CBX5: variants seen among roughly 807,000 people sequenced by gnomAD.
The protein encoded by CBX5 is chromobox protein homolog 5.
In CBX5, 7 loss-of-function variants were observed where a neutral mutation model predicts 20.7. The ratio of observed to expected loss-of-function variants is 0.34; its 90% CI spans 0.19 to 0.63. CBX5 has a LOEUF of 0.63. CBX5 is among the 30% of genes least tolerant of loss of function. The pLI is 0.75. For missense variants in CBX5, 110 were observed against 224.1 expected (o/e 0.49, Z 3.25); for synonymous variants, 78 against 77.0 (o/e 1.01, Z -0.07).
At position 54,278,750 on chromosome 12, in the gene CBX5, G is replaced by C. The variant is rs964230972; in HGVS notation, c.-43+1258C>G. 3 of 152,330 alleles carry C rather than the reference G, an allele frequency of 2.0e-5. No individual in the cohort carries two copies. The South Asian group carries it at 6.2e-4, about 32-fold the overall frequency. 9.4% of individuals were successfully genotyped at this position (152,330 alleles called of 1,614,324 possible). On this transcript the variant is annotated intron_variant, in intron 1 of 4. Transcript: ENST00000209875. Reference sequence around the variant, plus strand: ...AATTAAAAGGCAAGGAATAATCCAGGTGATGGATGAATCTTCTGTCCCCAG... The same window carrying C: ...AATTAAAAGGCAAGGAATAATCCAGCTGATGGATGAATCTTCTGTCCCCAG...
chr12:54,260,049 A>T (rs1003475612), intron 1 of CBX5, among the ~76,000 whole-genome samples: 20 of 152,002 alleles, frequency 1.3e-4, no homozygotes, highest in Non-Finnish European at 4.4e-5. Flanking sequence ...GGGGAAAAAT[A>T]ACAGGAAACA....
intron 2 of CBX5, among the ~76,000 whole-genome samples, chr12:54,254,584 G>A (rs1177516867): frequency 4.6e-5 from 7 of 152,092 alleles, no homozygotes; most frequent in Non-Finnish European, 8.8e-5. Context: ...CGGGCACGGT[G>A]GCTCAAGTCT....
In CBX5 at chr12:54,263,796, GA is replaced by G. The variant is rs1177290699; in HGVS notation, c.-42-6105del. 4.5e-3 allele frequency among the ~76,000 whole-genome samples: 582 copies of G among 130,350 alleles called. 6 individuals are homozygous for G. The highest frequency in any genetic ancestry group is 0.016 in the African/African-American group (559 of 35,136). The allele number at this position is 130,350 out of a possible 152,430, so 85.5% of individuals were successfully genotyped here. On this transcript the variant is annotated intron_variant, in intron 1 of 4. Transcript: ENST00000209875. The stretch of plus-strand genomic sequence containing the variant: ...AAAAAAAAAAAAAGAAAAGAAAAAA[GA>G]AAAAAAAAGGCCAGGCGCAGTGGCT...
intron 1 of CBX5, chr12:54,278,929 T>G (rs892366631): frequency 2.6e-5 from 4 of 152,220 alleles, no homozygotes; most frequent in African/African-American, 9.6e-5. Flanking sequence ...ATAAAAGCAC[T>G]GGGCACATGG....
intron 2 of CBX5, among the ~76,000 whole-genome samples, chr12:54,253,937 G>A (rs1943835275): frequency 6.6e-6 from 1 of 151,764 alleles, no homozygotes; most frequent in Non-Finnish European, 1.5e-5. Context: ...TTTTAGTAGA[G>A]ACGGGGTTTC....
intron 1 of CBX5, among the ~76,000 whole-genome samples, chr12:54,268,927 A>C (rs185632416): frequency 6.6e-6 from 1 of 152,338 alleles, no homozygotes; most frequent in African/African-American, 2.4e-5. Context: ...AAAAATATAA[A>C]GCAAATAGAA....
intron 1 of CBX5, among the ~76,000 whole-genome samples, chr12:54,265,090 C>G (rs916264159): frequency 2.0e-5 from 3 of 152,160 alleles, no homozygotes; most frequent in Non-Finnish European, 4.4e-5. Flanking sequence ...TTAGATATGC[C>G]ATTGATGAGT....
chr12:54,272,650 A>G (rs1944021345), intron 1 of CBX5: 1 of 152,218 alleles, frequency 6.6e-6, no homozygotes, highest in Admixed American at 6.5e-5. Flanking sequence ...TAATACCCCA[A>G]GGAGTTGACA....
At chr12:54,256,069 A>G (rs1363552478) in intron 2 of CBX5, among the ~76,000 whole-genome samples, 1 of 152,178 alleles carries the variant, frequency 6.6e-6, no homozygotes, top group Non-Finnish European at 1.5e-5. Context: ...TACTTTGTCT[A>G]CCCCAAACCT....
At chr12:54,260,283 G>C (rs973273387) in intron 1 of CBX5, among the ~76,000 whole-genome samples, 3 of 151,774 alleles carry the variant, frequency 2.0e-5, no homozygotes, top group Non-Finnish European at 2.9e-5. Context: ...TTGAGGTCAC[G>C]TGCTCAAGAC....
chr12:54,279,219 T>C (rs1364759021), intron 1 of CBX5, among the ~76,000 whole-genome samples: 1 of 152,162 alleles, frequency 6.6e-6, no homozygotes, highest in African/African-American at 2.4e-5. Flanking sequence ...TGACAGTACA[T>C]AGAGATTTCT....
At chr12:54,263,131 C>A (rs1237048193) in intron 1 of CBX5, among the ~76,000 whole-genome samples, 1 of 152,092 alleles carries the variant, frequency 6.6e-6, no homozygotes, top group Non-Finnish European at 1.5e-5. Flanking sequence ...TAGGCCGAGG[C>A]GGGCAGATCT....
At chr12:54,261,189 CAA>C (rs1187762152) in intron 1 of CBX5, among the ~76,000 whole-genome samples, 30 of 64,624 alleles carry the variant, frequency 4.6e-4, no homozygotes, top group Admixed American at 6.8e-4. Context: ...GAAACCGTCT[CAA>C]AAAAAAAAAA....
rs1271464165 is a variant in CBX5 at position 54,252,172 on chromosome 12, C to G, written c.193G>C (p.Glu65Gln). Residue 65 changes from glutamate to glutamine, a missense_variant, in exon 3 of 5, where the codon GAA (glutamate) becomes CAA (glutamine). Around this residue, in one of 3 missense-constraint regions of CBX5, gnomAD observed 58 missense variants for 120.6 expected, o/e 0.48. Coordinates refer to ENST00000209875, the MANE Select transcript of CBX5 (RefSeq NM_012117.3). Reference sequence around the variant, plus strand: ...ATCTTCTTATACTTTTTCATAAATTCAGAAATTAGCTCAGGGCAATCCAAG... The same window carrying G: ...ATCTTCTTATACTTTTTCATAAATTGAGAAATTAGCTCAGGGCAATCCAAG... Reference protein sequence around the residue: ...KNLDCPELISEFMKKYKKMKE... With the variant: ...KNLDCPELISQFMKKYKKMKE... The G allele has an allele frequency of 6.2e-7, 1 of 1,604,006 alleles. No individual in the cohort carries two copies. The highest frequency in any genetic ancestry group is 8.5e-7 in the Non-Finnish European group (1 of 1,175,990).
chr12:54,266,259 A>G (rs981297047), intron 1 of CBX5, among the ~76,000 whole-genome samples: 1 of 151,646 alleles, frequency 6.6e-6, no homozygotes, highest in African/African-American at 2.4e-5. Flanking sequence ...TTAGCCAGGC[A>G]TGGTGGTGGG....
chr12:54,249,786 A>C (rs1943774761), intron 3 of CBX5, among the ~76,000 whole-genome samples: 1 of 152,228 alleles, frequency 6.6e-6, no homozygotes, highest in Non-Finnish European at 1.5e-5. Flanking sequence ...CAGAAGGATT[A>C]AAGCAACTAA....
At chr12:54,251,586 G>A (rs181297292) in intron 3 of CBX5, among the ~76,000 whole-genome samples, 1 of 150,782 alleles carries the variant, frequency 6.6e-6, no homozygotes, top group South Asian at 2.1e-4. Flanking sequence ...AGCTACTACT[G>A]AGGCATGAGA....
chr12:54,268,407 A>C (rs1295389065), intron 1 of CBX5, among the ~76,000 whole-genome samples: 1 of 152,210 alleles, frequency 6.6e-6, no homozygotes, highest in African/African-American at 2.4e-5. Flanking sequence ...AGTTAAATGC[A>C]AAGAAAGGCA....
intron 3 of CBX5, among the ~76,000 whole-genome samples, chr12:54,249,428 GA>G (rs1418737561): frequency 6.7e-6 from 1 of 149,306 alleles, no homozygotes; most frequent in African/African-American, 2.5e-5. Context: ...AGGCACTGGA[GA>G]TTTTTTTTTT....
Sources: gnomAD v4.1 joint callset for allele counts (sites outside exome capture counted in the v4.1 genomes callset) on GRCh38, gnomAD v4.1.1 for gene constraint, gnomAD v4.1.1 regional missense constraint, MANE v1.5 for transcripts, NCBI Gene and HGNC (gene_info 2026-07-23, HGNC 2026-07-21) for gene names.